CACNA1D: variants seen among roughly 807,000 people sequenced by gnomAD.
CACNA1D encodes voltage-dependent L-type calcium channel subunit alpha-1D.
CACNA1D carries 55 observed loss-of-function variants against 257.1 expected under a neutral mutation model. The ratio of observed to expected loss-of-function variants is 0.21; its 90% CI spans 0.17 to 0.27. The LOEUF is 0.27. Ranked by LOEUF, CACNA1D falls within the 10% of genes least tolerant of loss-of-function variation. The pLI, the probability that CACNA1D is intolerant of heterozygous loss-of-function variation, is 1.00. For missense variants in CACNA1D, 1,876 were observed against 2,784.0 expected (o/e 0.67, Z 7.34); for synonymous variants, 980 against 1,014.9 (o/e 0.97, Z 0.65).
intron 3 of CACNA1D, among the ~76,000 whole-genome samples, chr3:53,623,861 T>C (rs2093726911): frequency 6.6e-6 from 1 of 152,254 alleles, no homozygotes. Flanking sequence ...AGAATTGCTT[T>C]CACTCTCTGT....
chr3:53,569,679 C>T (rs1368820414), intron 3 of CACNA1D, among the ~76,000 whole-genome samples: 1 of 152,196 alleles, frequency 6.6e-6, no homozygotes, highest in Non-Finnish European at 1.5e-5. Context: ...CTCTAGAACT[C>T]TGTTGAATTG....
At chr3:53,797,150 A>G (rs1342571765) in intron 40 of CACNA1D, among the ~76,000 whole-genome samples, 6 of 152,068 alleles carry the variant, frequency 3.9e-5, no homozygotes, top group Non-Finnish European at 8.8e-5. Flanking sequence ...ATTTCTGGGG[A>G]TTGGAACTTG....
intron 40 of CACNA1D, among the ~76,000 whole-genome samples, chr3:53,799,174 G>A (rs1048575222): frequency 6.6e-6 from 1 of 152,244 alleles, no homozygotes; most frequent in Non-Finnish European, 1.5e-5. Context: ...CCAGGGCAGA[G>A]AGGACATGCC....
At chr3:53,727,239 G>A (rs976524380) in intron 15 of CACNA1D, among the ~76,000 whole-genome samples, 2 of 152,240 alleles carry the variant, frequency 1.3e-5, no homozygotes, top group African/African-American at 4.8e-5. Context: ...GCCCAGGGAA[G>A]GAGCGTGAGA....
At chr3:53,611,685 C>A (rs1324130455) in intron 3 of CACNA1D, among the ~76,000 whole-genome samples, 1 of 152,134 alleles carries the variant, frequency 6.6e-6, no homozygotes, top group East Asian at 1.9e-4. Context: ...AGTTTCTGTT[C>A]ATCATTTTAA....
chr3:53,790,482 C>T (rs989521584), intron 40 of CACNA1D, among the ~76,000 whole-genome samples: 1 of 152,254 alleles, frequency 6.6e-6, no homozygotes, highest in Non-Finnish European at 1.5e-5. Context: ...CCCCACTCAT[C>T]CCAGATGGGA....
chr3:53,810,758 C>CAAAAAAAAAAAAAA lies in CACNA1D; in HGVS notation c.6193-340_6193-327dup, dbSNP rs71074934. Among the ~76,000 whole-genome samples the CAAAAAAAAAAAAAA allele has an allele frequency of 1.8e-3, 123 of 68,292 alleles. 5 individuals carry two copies. The highest frequency in any genetic ancestry group is 8.9e-3 in the African/African-American group (106 of 11,874). 44.8% of individuals were successfully genotyped at this position (68,292 alleles called of 152,430 possible). On this transcript the variant is annotated intron_variant, in intron 47 of 47. Transcript: ENST00000350061. Reference sequence around the variant, plus strand: ...GGGCCACAGAGCGAGACTCTTGTCTCAAAAAAAAAAAAAAAAAAAAAAAAA... The same window carrying CAAAAAAAAAAAAAA: ...GGGCCACAGAGCGAGACTCTTGTCTCAAAAAAAAAAAAAAAAAAAAAAAAAAAAAAAAAAAAAAA...
In CACNA1D at chr3:53,596,110, G is replaced by A. The variant is rs150278756; in HGVS notation, c.484-54669G>A. ...CATGGGGCTTTGAGAACCTAGTAGC[G>A]TGTGTGCTGTATCACAGTTCTCTTC... On this transcript the variant is annotated intron_variant, in intron 3 of 47. Coordinates refer to ENST00000350061, the MANE Select transcript of CACNA1D (RefSeq NM_001128840.3). 2.9e-3 allele frequency among the ~76,000 whole-genome samples: 443 copies of A among 152,242 alleles called. 5 individuals carry two copies. The highest frequency in any genetic ancestry group is 9.9e-3 in the African/African-American group (413 of 41,536).
At chr3:53,749,526 T>A (rs2095205723) in intron 27 of CACNA1D, 57 bp downstream of exon 27, 2 of 1,216,176 alleles carry the variant, frequency 1.6e-6, no homozygotes, top group Admixed American at 1.7e-5. Flanking sequence ...GAGTGCCTTC[T>A]TTATTGACTG....
At chr3:53,798,324 T>TGC (rs1298316888) in intron 40 of CACNA1D, among the ~76,000 whole-genome samples, 15 of 138,982 alleles carry the variant, frequency 1.1e-4, no homozygotes, top group Middle Eastern at 3.8e-3. Flanking sequence ...TGTGTGTGTG[T>TGC]GTGCGTGTGT....
chr3:53,788,266 G>C (rs2109121855), intron 40 of CACNA1D, among the ~76,000 whole-genome samples: 1 of 152,262 alleles, frequency 6.6e-6, no homozygotes, highest in Non-Finnish European at 1.5e-5. Context: ...ACAGGGGCTG[G>C]GGAAAGAGGC....
intron 6 of CACNA1D, 90 bp from the exon 7 acceptor site, chr3:53,666,249 C>T (rs553462235): frequency 3.6e-5 from 45 of 1,234,018 alleles, no homozygotes; most frequent in African/African-American, 7.4e-5. Flanking sequence ...TAGGGTGTCC[C>T]GGGCTCTGGC....
chr3:53,539,392 G>A (rs1382583125), intron 3 of CACNA1D, among the ~76,000 whole-genome samples: 1 of 152,154 alleles, frequency 6.6e-6, no homozygotes, highest in Non-Finnish European at 1.5e-5. Flanking sequence ...ACCAGCATGA[G>A]CCACCGTGCC....
At chr3:53,672,967 T>G (rs1278787986) in intron 7 of CACNA1D, 56 bp from the exon 8 acceptor site, 1 of 1,100,964 alleles carries the variant, frequency 9.1e-7, no homozygotes, top group African/African-American at 1.6e-5. Flanking sequence ...TGACCCTCTC[T>G]CCTTATTAAA....
At chr3:53,548,913 A>G (rs1481598699) in intron 3 of CACNA1D, among the ~76,000 whole-genome samples, 1 of 152,182 alleles carries the variant, frequency 6.6e-6, no homozygotes, top group East Asian at 1.9e-4. Flanking sequence ...GAATACAGGA[A>G]ATGAATTCAA....
intron 29 of CACNA1D, among the ~76,000 whole-genome samples, 164 bp from the exon 30 acceptor site, chr3:53,761,834 G>A (rs894639781): frequency 1.3e-5 from 2 of 152,172 alleles, no homozygotes; most frequent in Non-Finnish European, 2.9e-5. Flanking sequence ...CCACCCTGCT[G>A]TGCCCCTTTC....
At chr3:53,534,053 G>T (rs900561700) in intron 3 of CACNA1D, among the ~76,000 whole-genome samples, 5 of 152,176 alleles carry the variant, frequency 3.3e-5, no homozygotes, top group Non-Finnish European at 7.3e-5. Flanking sequence ...CGGGGTTCAA[G>T]ATGGGGAGCA....
chr3:53,800,511 C>A lies in CACNA1D; in HGVS notation c.5040+146C>A. Reference sequence around the variant, plus strand: ...AGGGGCTTTCAGACCACACCCTCCCCCTCTTACAGACCCTCCCCAGGCATC... The same window carrying A: ...AGGGGCTTTCAGACCACACCCTCCCACTCTTACAGACCCTCCCCAGGCATC... On this transcript the variant is annotated intron_variant, in intron 41 of 47. Transcript: ENST00000350061. This position sits in a 1 kb window ranked among gnomAD's most constrained non-coding sequence, Gnocchi z 4.3. The A allele has an allele frequency of 1.3e-6, 1 of 745,154 alleles. No individual in the cohort carries two copies. The highest frequency in any genetic ancestry group is 1.4e-5 in the South Asian group (1 of 71,182). The allele number at this position is 745,154 out of a possible 1,614,324, so 46.2% of individuals were successfully genotyped here. A position where few individuals can be genotyped will look rare whatever the true frequency, so the allele number is the denominator to read the frequency against.
chr3:53,779,465 A>G (rs1468153582), intron 37 of CACNA1D, among the ~76,000 whole-genome samples: 6 of 152,006 alleles, frequency 3.9e-5, no homozygotes. Flanking sequence ...ATACACACAC[A>G]CAGAGGTTTA....
Sources: gnomAD v4.1 joint callset for allele counts (sites outside exome capture counted in the v4.1 genomes callset) on GRCh38, gnomAD v4.1.1 for gene constraint, Gnocchi (gnomAD v3.1) non-coding constraint, MANE v1.5 for transcripts, NCBI Gene and HGNC (gene_info 2026-07-23, HGNC 2026-07-21) for gene names.